SLC5A4: variants seen among roughly 807,000 people sequenced by gnomAD.
SLC5A4 encodes the protein solute carrier family 5 member 4.
A neutral mutation model predicts 70.3 loss-of-function variants in SLC5A4; 55 were observed. That is an observed-to-expected ratio of 0.78 (90% CI 0.63 to 0.98). SLC5A4 has a LOEUF of 0.98. Among genes scored for constraint, SLC5A4 ranks in the 50% least tolerant of loss-of-function variants. The pLI is 0.00. For missense variants in SLC5A4, 735 were observed against 839.2 expected, an observed-to-expected ratio of 0.88 and a Z score of 1.53; for synonymous variants, 268 against 305.7, an observed-to-expected ratio of 0.88 and a Z score of 1.29.
chr22:32,328,550 C>A, the SLC5A4 span, among the ~76,000 whole-genome samples: 1 of 152,162 alleles, frequency 6.6e-6, no homozygotes, highest in Non-Finnish European at 1.5e-5. Flanking sequence ...CGCCAACCAA[C>A]ACGTGAACCT....
the SLC5A4 span, among the ~76,000 whole-genome samples, chr22:32,318,368 A>G: frequency 9.9e-5 from 15 of 152,090 alleles, no homozygotes; most frequent in Admixed American, 4.6e-4. Context: ...CACCAAATTG[A>G]TATTTAATAG....
chr22:32,338,712 G>A, the SLC5A4 span, among the ~76,000 whole-genome samples: 6 of 152,158 alleles, frequency 3.9e-5, no homozygotes, highest in Non-Finnish European at 8.8e-5. Flanking sequence ...CCATACTGGA[G>A]AGGGTGCCCC....
the SLC5A4 span, among the ~76,000 whole-genome samples, chr22:32,306,008 G>A: frequency 3.3e-5 from 5 of 152,074 alleles, no homozygotes; most frequent in Non-Finnish European, 5.9e-5. Flanking sequence ...ACACCACCTT[G>A]GCTGGGACCC....
At chr22:32,269,726 C>A in the SLC5A4 span, 46 of 626,846 alleles carry the variant, frequency 7.3e-5, 1 homozygote, top group South Asian at 6.5e-4. The surrounding 1 kb of genome is among the most constrained non-coding windows in gnomAD (Gnocchi z 4.1). Flanking sequence ...TCACCACAGG[C>A]ACCGCAGCTT....
the SLC5A4 span, among the ~76,000 whole-genome samples, chr22:32,279,079 A>G: frequency 3.9e-5 from 6 of 151,984 alleles, no homozygotes; most frequent in Non-Finnish European, 7.4e-5. Flanking sequence ...GATGGAGACC[A>G]TCCTGGCTAA....
chr22:32,230,914 G>A (rs981212732), intron 10 of SLC5A4, 54 bp downstream of exon 10: 11 of 1,082,600 alleles, frequency 1.0e-5, no homozygotes, highest in Admixed American at 5.2e-5. Context: ...ACCCTTCCTC[G>A]AGGCCCGTCT....
the SLC5A4 span, among the ~76,000 whole-genome samples, chr22:32,302,261 T>TTTG: frequency 0.013 from 2,001 of 149,938 alleles, 45 homozygotes; most frequent in African/African-American, 0.046. Context: ...TTTTTTTTTT[T>TTTG]TGTGTCTAGC....
Position 32,246,812 on chromosome 22 carries a change from G to A in SLC5A4, c.477+599C>T, listed in dbSNP as rs144641412. 5.8e-4 allele frequency among the ~76,000 whole-genome samples: 88 copies of A among 152,218 alleles called. 1 individual carries two copies. The highest frequency in any genetic ancestry group is 1.5e-3 in the African/African-American group (62 of 41,530). ...CAAAGTGCTGGGATTACAAGTGTGCGCCACTGCACCAGGCCCAAAAAAATG... is the reference window on the plus strand; with the variant it reads ...CAAAGTGCTGGGATTACAAGTGTGCACCACTGCACCAGGCCCAAAAAAATG... On this transcript the variant is annotated intron_variant, in intron 5 of 14. Transcript: ENST00000266086.
At chr22:32,301,046 T>C in the SLC5A4 span, among the ~76,000 whole-genome samples, 1 of 152,152 alleles carries the variant, frequency 6.6e-6, no homozygotes, top group Non-Finnish European at 1.5e-5. Context: ...CACTGCAGCC[T>C]CCACCTCCCA....
At chr22:32,354,487 T>C in the SLC5A4 span, among the ~76,000 whole-genome samples, 26 of 143,620 alleles carry the variant, frequency 1.8e-4, no homozygotes, top group Non-Finnish European at 1.2e-4. Flanking sequence ...GCAGGCAGAG[T>C]AGCACCCGAT....
chr22:32,272,673 G>A, the SLC5A4 span: 1 of 557,594 alleles, frequency 1.8e-6, no homozygotes, highest in Non-Finnish European at 3.3e-6. Flanking sequence ...GAGTTTTGGG[G>A]GCATGTGCCT....
the SLC5A4 span, among the ~76,000 whole-genome samples, chr22:32,318,781 TAA>T: frequency 1.3e-3 from 198 of 152,292 alleles, 2 homozygotes; most frequent in Non-Finnish European, 2.2e-3. Context: ...CCAGATTCAC[TAA>T]GAGTAGAAGC....
At chr22:32,307,448 G>A in the SLC5A4 span, among the ~76,000 whole-genome samples, 1 of 152,238 alleles carries the variant, frequency 6.6e-6, no homozygotes, top group African/African-American at 2.4e-5. Flanking sequence ...TTTCACAGGT[G>A]GTCCCAGCTA....
the SLC5A4 span, among the ~76,000 whole-genome samples, chr22:32,324,735 G>A: frequency 6.6e-6 from 1 of 152,136 alleles, no homozygotes; most frequent in Non-Finnish European, 1.5e-5. Context: ...GTGACCCTGG[G>A]CAAGTCATTA....
the SLC5A4 span, among the ~76,000 whole-genome samples, chr22:32,337,783 A>G: frequency 1.3e-5 from 2 of 152,228 alleles, no homozygotes; most frequent in Non-Finnish European, 2.9e-5. Flanking sequence ...AGGAAGAGAT[A>G]CAAGTAGTCA....
the SLC5A4 span, chr22:32,269,422 C>A: frequency 4.1e-6 from 2 of 482,322 alleles, no homozygotes; most frequent in South Asian, 1.8e-5. This position sits in a 1 kb window ranked among gnomAD's most constrained non-coding sequence, Gnocchi z 4.1. Flanking sequence ...AGAAGCTGCT[C>A]ATCATCATCG....
chr22:32,303,841 T>C, the SLC5A4 span, among the ~76,000 whole-genome samples: 3,818 of 152,242 alleles, frequency 0.025, 138 homozygotes, highest in African/African-American at 0.086. Flanking sequence ...CTGAGTCGGA[T>C]GGTAAAAATA....
At chr22:32,339,381 GA>G in the SLC5A4 span, among the ~76,000 whole-genome samples, 3 of 152,120 alleles carry the variant, frequency 2.0e-5, no homozygotes, top group Non-Finnish European at 4.4e-5. Flanking sequence ...TGGGAACACT[GA>G]GACTCAGGAG....
rs1276530566 is a variant in SLC5A4 at position 32,225,730 on chromosome 22, T to A, written c.1374A>T (p.Ser458=). ...TTGGAGGCCCAAGGTAGCTAGAAAT[T>A]GATTCTGTGTAATGGATTAGTTGTC... is the stretch of plus-strand genomic sequence containing the variant. ...QNGQLIHYTE[S]ISSYLGPPIA... is the part of the protein sequence containing the mutation. The change falls in exon 12 of 15, where the codon TCA becomes TCT. Residue 458 remains serine, a synonymous_variant. Transcript: ENST00000266086. The A allele has an allele frequency of 8.1e-6, 13 of 1,613,050 alleles. No homozygotes were observed. The highest frequency in any genetic ancestry group is 1.0e-5 in the Non-Finnish European group (12 of 1,179,146).
Sources: gnomAD v4.1 joint callset for allele counts (sites outside exome capture counted in the v4.1 genomes callset) on GRCh38, gnomAD v4.1.1 for gene constraint, Gnocchi (gnomAD v3.1) non-coding constraint, MANE v1.5 for transcripts, NCBI Gene and HGNC (gene_info 2026-07-23, HGNC 2026-07-21) for gene names.